GALC: variants seen among roughly 807,000 people sequenced by gnomAD.
GALC encodes the protein galactosylceramidase, also known as galactocerebrosidase.
In GALC, 77 loss-of-function variants were observed where a neutral mutation model predicts 91.8. The ratio of observed to expected loss-of-function variants is 0.84; its 90% CI spans 0.70 to 1.01. The LOEUF (loss-of-function observed/expected upper bound fraction) is 1.01. Among genes scored for constraint, GALC ranks in the 50% least tolerant of loss-of-function variants. GALC has a pLI of 0.00. For synonymous variants in GALC, 357 were observed against 306.7 expected (o/e 1.16, Z -1.71); for missense variants, 882 against 855.9 (o/e 1.03, Z -0.38).
chr14:87,934,797 C>T lies in GALC; in HGVS notation c.1993G>A (p.Ala665Thr), dbSNP rs762593303. 6 of 1,612,966 alleles carry T rather than the reference C, an allele frequency of 3.7e-6. No individual in the cohort carries two copies. Among genetic ancestry groups the T allele is most frequent in the Non-Finnish European group, 5.1e-6 (6 of 1,179,230 alleles). The change falls in exon 17 of 17, where the codon GCA becomes ACA. Residue 665 changes from alanine to threonine, a missense_variant. By Grantham distance (58) the Ala-to-Thr change is moderately conservative. Transcript: ENST00000261304. Reference sequence around the variant, plus strand: ...AATTCAAAGGAGTGAGTTCCAATTGCAGCCCAGCCATTCTTTGGAAAATTC... The same window carrying T: ...AATTCAAAGGAGTGAGTTCCAATTGTAGCCCAGCCATTCTTTGGAAAATTC... ...PVNFPKNGWA[A>T]IGTHSFEFAQ...
At position 87,953,609 on chromosome 14, in the gene GALC, A is replaced by G. The variant is rs970318449; in HGVS notation, c.1162-2861T>C. The G allele has an allele frequency of 5.7e-5, 92 of 1,609,614 alleles. 1 individual carries two copies. Among genetic ancestry groups the G allele is most frequent in the Admixed American group, 2.2e-4 (13 of 59,880 alleles). ...TGTTCCCAACTAAACACCTTCCACA[A>G]AAGTGCTATTAAAAGAAGCTGCACC... On this transcript the variant is annotated intron_variant, in intron 10 of 16. Coordinates refer to ENST00000261304, the MANE Select transcript of GALC (RefSeq NM_000153.4).
chr14:87,959,872 G>A (rs1421488852), intron 10 of GALC, among the ~76,000 whole-genome samples: 1 of 152,062 alleles, frequency 6.6e-6, no homozygotes, highest in African/African-American at 2.4e-5. Flanking sequence ...CCAAGATATG[G>A]AATCAACCTG....
intron 7 of GALC, among the ~76,000 whole-genome samples, chr14:87,970,417 T>C (rs1476333443): frequency 6.6e-6 from 1 of 152,126 alleles, no homozygotes; most frequent in Non-Finnish European, 1.5e-5. Context: ...AAAGTAACTT[T>C]ATTGAAGTTA....
upstream of GALC, chr14:87,993,348 T>C (rs1887322435): frequency 6.5e-7 from 1 of 1,535,708 alleles, no homozygotes; most frequent in Non-Finnish European, 8.7e-7. Context: ...CGCTCGCGTG[T>C]CTGTGGTCAG....
At chr14:87,965,309 G>A (rs1885987916) in intron 9 of GALC, among the ~76,000 whole-genome samples, 196 bp downstream of exon 9, 1 of 151,984 alleles carries the variant, frequency 6.6e-6, no homozygotes, top group African/African-American at 2.4e-5. Context: ...TTTTCTAAAA[G>A]CCTGGTCTTA....
chr14:87,954,207 A>G, intron 10 of GALC: 2 of 1,565,140 alleles, frequency 1.3e-6, no homozygotes, highest in Non-Finnish European at 1.8e-6. Context: ...TCTTCCTCCG[A>G]GGCAGCCTCA....
intron 10 of GALC, chr14:87,954,629 G>A: frequency 6.3e-7 from 1 of 1,584,066 alleles, no homozygotes. Flanking sequence ...ATCAGACTTA[G>A]CAACCCACCT....
At chr14:87,954,310 T>C in intron 10 of GALC, 1 of 1,586,702 alleles carries the variant, frequency 6.3e-7, no homozygotes, top group Non-Finnish European at 8.7e-7. Flanking sequence ...TTCACTATAC[T>C]GACAGAGGCA....
chr14:87,953,058 G>A (rs1885378311), intron 10 of GALC: 1 of 1,420,340 alleles, frequency 7.0e-7, no homozygotes. Flanking sequence ...TATAGGGCCT[G>A]AAGTGGTACA....
chr14:87,992,627 G>A, intron 1 of GALC: 1 of 1,449,088 alleles, frequency 6.9e-7, no homozygotes, highest in Non-Finnish European at 9.0e-7. Context: ...TGCCATCTCC[G>A]CGATGAAGAC....
Position 87,947,812 on chromosome 14 carries a change from G to C in GALC, c.1405C>G (p.Leu469Val). 6.2e-7 allele frequency: 1 copy of C among 1,612,756 alleles called. No homozygotes were observed. Among genetic ancestry groups the C allele is most frequent in the Admixed American group, 1.7e-5 (1 of 59,884 alleles). ...HEDELFTLTT[L>V]TTGRKGSYPL... ...TAGCTGCCTTTGCGACCAGTGGTGA[G>C]AGTGGTGAGTGTGAACAGCTCATCT... Residue 469 changes from leucine to valine, a missense_variant, in exon 13 of 17, where the codon CTC becomes GTC. Leu to Val is a conservative substitution (Grantham distance 32). Transcript: ENST00000261304.
In GALC at chr14:87,989,392, A is replaced by G. The variant is rs715273; in HGVS notation, c.196-869T>C. Among the ~76,000 whole-genome samples, 1,100 of 152,196 alleles carry G rather than the reference A, an allele frequency of 7.2e-3. 14 individuals are homozygous for G. Among genetic ancestry groups the G allele is most frequent in the African/African-American group, 0.025 (1,047 of 41,494 alleles). The stretch of plus-strand genomic sequence containing the variant: ...TAAGTGCCCATATCTACTCTGTCAC[A>G]CCCAAAACATCCCCAGTCCCTACCA... On this transcript the variant is annotated intron_variant, in intron 1 of 16. Coordinates refer to ENST00000261304, the MANE Select transcript of GALC (RefSeq NM_000153.4).
intron 1 of GALC, among the ~76,000 whole-genome samples, 190 bp from the exon 2 acceptor site, chr14:87,988,713 G>A (rs1887073173): frequency 6.7e-6 from 1 of 149,884 alleles, no homozygotes; most frequent in Non-Finnish European, 1.5e-5. Flanking sequence ...GCTGCTGTCT[G>A]TCCGACAGCT....
intron 10 of GALC, 43 bp from the exon 11 acceptor site, chr14:87,950,791 G>T: frequency 1.5e-6 from 2 of 1,350,402 alleles, no homozygotes; most frequent in Non-Finnish European, 2.1e-6. Flanking sequence ...TGATGTATAA[G>T]CTACCTTAGG....
intron 6 of GALC, among the ~76,000 whole-genome samples, chr14:87,977,554 G>C (rs1038057818): frequency 2.6e-5 from 4 of 152,160 alleles, no homozygotes; most frequent in Non-Finnish European, 4.4e-5. Flanking sequence ...TCAGGATCAG[G>C]AAGATCAGAT....
chr14:87,993,369 T>G (rs991193872), upstream of GALC: 10 of 1,535,598 alleles, frequency 6.5e-6, no homozygotes, highest in African/African-American at 9.6e-5. Context: ...CTACTGGATT[T>G]CACATGTACT....
chr14:87,953,000 C>A, intron 10 of GALC: 1 of 1,072,702 alleles, frequency 9.3e-7, no homozygotes, highest in South Asian at 1.3e-5. Context: ...AGTTAGACCA[C>A]AAATGTGCAG....
At chr14:87,936,867 C>T (rs866503507) in intron 16 of GALC, among the ~76,000 whole-genome samples, 1 of 130,060 alleles carries the variant, frequency 7.7e-6, no homozygotes, top group Non-Finnish European at 1.6e-5. Flanking sequence ...ATTAACTTGA[C>T]TCATTAAGTG....
chr14:87,993,635 G>C, upstream of GALC: 1 of 638,594 alleles, frequency 1.6e-6, no homozygotes, highest in Non-Finnish European at 2.7e-6. Context: ...GAGCAGCAGA[G>C]TGAGGGACTG....
Sources: gnomAD v4.1 joint callset for allele counts (sites outside exome capture counted in the v4.1 genomes callset) on GRCh38, gnomAD v4.1.1 for gene constraint, MANE v1.5 for transcripts, NCBI Gene and HGNC (gene_info 2026-07-23, HGNC 2026-07-21) for gene names.